MYO16: variants seen among roughly 807,000 people sequenced by gnomAD.
MYO16 encodes the protein myosin XVI, also known as unconventional myosin-XVI.
MYO16 carries 94 observed loss-of-function variants against 205.3 expected under a neutral mutation model. The observed-to-expected ratio is 0.46, with a 90% CI of 0.39 to 0.54. The LOEUF is 0.54. Ranked by LOEUF, MYO16 falls within the 20% of genes least tolerant of loss-of-function variation. MYO16 has a pLI of 0.00. For synonymous variants in MYO16, 988 were observed against 954.0 expected (o/e 1.04, Z -0.66); for missense variants, 2,315 against 2,387.5 (o/e 0.97, Z 0.63).
At chr13:108,860,883 TAATC>T (rs1368982093) in intron 11 of MYO16, among the ~76,000 whole-genome samples, 2 of 152,216 alleles carry the variant, frequency 1.3e-5, no homozygotes, top group African/African-American at 4.8e-5. Flanking sequence ...ACATCTTTCT[TAATC>T]AACAGATTTC....
the MYO16 span, among the ~76,000 whole-genome samples, chr13:108,521,352 C>A: frequency 1.6e-4 from 24 of 152,288 alleles, no homozygotes; most frequent in African/African-American, 5.8e-4. Flanking sequence ...TCAATACAGA[C>A]TATATAAGAT....
intron 21 of MYO16, among the ~76,000 whole-genome samples, chr13:109,005,443 A>G (rs1885357209): frequency 6.6e-6 from 1 of 152,146 alleles, no homozygotes; most frequent in Non-Finnish European, 1.5e-5. Flanking sequence ...TTGAATGTCA[A>G]TATGTGATAT....
At chr13:108,900,300 C>T (rs1880646250) in intron 15 of MYO16, among the ~76,000 whole-genome samples, 1 of 152,090 alleles carries the variant, frequency 6.6e-6, no homozygotes. Flanking sequence ...AACACTTGGT[C>T]CCTCACATCT....
chr13:108,687,442 C>A (rs1266574251), intron 2 of MYO16, among the ~76,000 whole-genome samples: 2 of 152,292 alleles, frequency 1.3e-5, no homozygotes, highest in Admixed American at 6.5e-5. Context: ...CAGAGCTGAT[C>A]TACCAACTGC....
At chr13:109,079,993 A>G (rs540527037) in intron 27 of MYO16, among the ~76,000 whole-genome samples, 329 of 148,884 alleles carry the variant, frequency 2.2e-3, no homozygotes, top group Non-Finnish European at 3.7e-3. Flanking sequence ...CTCCTGCCTT[A>G]GCCTCCTGAG....
chr13:109,099,450 CA>C (rs1486990155), intron 27 of MYO16, among the ~76,000 whole-genome samples: 1 of 152,168 alleles, frequency 6.6e-6, no homozygotes, highest in African/African-American at 2.4e-5. Flanking sequence ...ATTACATTTA[CA>C]CTGACCTAAT....
chr13:109,036,568 G>A (rs745672339), intron 23 of MYO16, among the ~76,000 whole-genome samples: 2 of 152,176 alleles, frequency 1.3e-5, no homozygotes, highest in African/African-American at 2.4e-5. Flanking sequence ...CCACACTGGA[G>A]CATTTAAATG....
intron 34 of MYO16, among the ~76,000 whole-genome samples, chr13:109,183,134 T>A (rs1879526986): frequency 6.6e-6 from 1 of 152,238 alleles, no homozygotes; most frequent in Non-Finnish European, 1.5e-5. Context: ...CTTACCATTT[T>A]ATGAGATTTT....
At chr13:108,601,324 G>A (rs924600920) in intron 1 of MYO16, among the ~76,000 whole-genome samples, 1 of 152,078 alleles carries the variant, frequency 6.6e-6, no homozygotes, top group Non-Finnish European at 1.5e-5. Flanking sequence ...TACACCACCA[G>A]CAGAGTAATT....
chr13:108,508,787 G>T, the MYO16 span, among the ~76,000 whole-genome samples: 2 of 152,176 alleles, frequency 1.3e-5, no homozygotes, highest in East Asian at 3.9e-4. Context: ...GGGTACTGCA[G>T]CTTCTTCATT....
intron 1 of MYO16, among the ~76,000 whole-genome samples, chr13:108,661,749 T>A (rs1419362474): frequency 6.6e-6 from 1 of 152,214 alleles, no homozygotes; most frequent in Non-Finnish European, 1.5e-5. Context: ...TCTCCCTGAT[T>A]AGCTTAATAA....
chr13:109,190,245 T>G (rs954544408), intron 34 of MYO16, among the ~76,000 whole-genome samples: 3 of 152,230 alleles, frequency 2.0e-5, no homozygotes, highest in Admixed American at 2.0e-4. Flanking sequence ...TTAAGCTACC[T>G]GGACTTTGTT....
At chr13:108,598,770 T>C (rs1420059329) in intron 1 of MYO16, among the ~76,000 whole-genome samples, 2 of 152,222 alleles carry the variant, frequency 1.3e-5, no homozygotes, top group Non-Finnish European at 2.9e-5. Context: ...AAGAAATCCA[T>C]GTGTATGAAC....
In MYO16 at chr13:109,148,533, T is replaced by C. The variant is rs367813692; in HGVS notation, c.5164+7157T>C. On this transcript the variant is annotated intron_variant, in intron 32 of 34. Transcript: ENST00000457511. ...CACAGACCATATAAGAGACAGAAGG[T>C]GCATCCACTTTCAGTGAAAGAAATT... Among the ~76,000 whole-genome samples, 62 of 152,314 alleles carry C rather than the reference T, an allele frequency of 4.1e-4. 1 individual carries two copies. The South Asian group carries it at 0.013, about 31-fold the overall frequency.
intron 32 of MYO16, among the ~76,000 whole-genome samples, chr13:109,159,346 G>A (rs1206902919): frequency 6.6e-6 from 1 of 152,224 alleles, no homozygotes; most frequent in Non-Finnish European, 1.5e-5. Flanking sequence ...AATGATCATT[G>A]TGGTGCGTGG....
intron 1 of MYO16, among the ~76,000 whole-genome samples, chr13:108,606,149 A>T (rs1422026226): frequency 1.3e-5 from 2 of 152,234 alleles, no homozygotes; most frequent in African/African-American, 4.8e-5. Flanking sequence ...AGAGCATAAA[A>T]GTTTGGAAAA....
At chr13:108,800,952 C>A (rs1886951410) in intron 6 of MYO16, among the ~76,000 whole-genome samples, 1 of 151,970 alleles carries the variant, frequency 6.6e-6, no homozygotes, top group Non-Finnish European at 1.5e-5. Flanking sequence ...CTGGCAAAGA[C>A]CCTTACAATG....
At chr13:108,618,353 G>C (rs1879421982) in intron 1 of MYO16, among the ~76,000 whole-genome samples, 1 of 152,166 alleles carries the variant, frequency 6.6e-6, no homozygotes, top group Non-Finnish European at 1.5e-5. Flanking sequence ...GAGGAGAAAA[G>C]ACTTCCCAGC....
intron 11 of MYO16, among the ~76,000 whole-genome samples, chr13:108,860,420 T>A (rs1399258838): frequency 2.0e-5 from 3 of 152,222 alleles, no homozygotes; most frequent in Non-Finnish European, 4.4e-5. Context: ...TTTATGGGCA[T>A]TGAAATTGAT....
Sources: gnomAD v4.1 joint callset for allele counts (sites outside exome capture counted in the v4.1 genomes callset) on GRCh38, gnomAD v4.1.1 for gene constraint, MANE v1.5 for transcripts, NCBI Gene and HGNC (gene_info 2026-07-23, HGNC 2026-07-21) for gene names.